Variants in RABGAP1L observed in about 807,000 individuals in gnomAD.
RABGAP1L encodes rab GTPase-activating protein 1-like.
Under a neutral mutation model 137.7 loss-of-function variants are expected in RABGAP1L, and 63 were observed. The observed-to-expected ratio is 0.46, with a 90% confidence interval of 0.37 to 0.56. RABGAP1L has a LOEUF of 0.56. RABGAP1L is among the 20% of genes least tolerant of loss of function. The pLI, the probability that RABGAP1L is intolerant of heterozygous loss-of-function variation, is 0.00. For missense variants in RABGAP1L, 1,095 were observed against 1,244.0 expected (o/e 0.88, Z 1.80); for synonymous variants, 431 against 433.7 (o/e 0.99, Z 0.08).
chr1:174,889,540 C>T (rs1031965398), intron 19 of RABGAP1L, among the ~76,000 whole-genome samples: 1 of 152,142 alleles, frequency 6.6e-6, no homozygotes, highest in Non-Finnish European at 1.5e-5. Context: ...CCTGCTTCAA[C>T]CTCTCAAGTA....
Position 174,174,640 on chromosome 1 carries a change from GC to G in RABGAP1L, c.-34+14984del, listed in dbSNP as rs1300033938. Among the ~76,000 whole-genome samples the G allele has an allele frequency of 1.2e-4, 19 of 152,314 alleles. No individual in the cohort carries two copies. In the South Asian group the frequency reaches 2.9e-3, roughly 23 times the overall value. ...TTTGCAAAATAACTCTCAATTCGAG[GC>G]TGAAGGCTGAAAAACTAGGGGGCTG... On this transcript the variant is annotated intron_variant, in intron 1 of 25. Coordinates refer to ENST00000681986, the MANE Select transcript of RABGAP1L (RefSeq NM_001366446.1).
At chr1:174,623,982 C>G (rs1672746206) in intron 13 of RABGAP1L, among the ~76,000 whole-genome samples, 1 of 152,220 alleles carries the variant, frequency 6.6e-6, no homozygotes, top group South Asian at 2.1e-4. Context: ...CTTAACAAAA[C>G]TGAGACTTCA....
chr1:174,759,095 T>C (rs908296901), intron 18 of RABGAP1L, among the ~76,000 whole-genome samples: 2 of 151,988 alleles, frequency 1.3e-5, no homozygotes, highest in South Asian at 2.1e-4. Context: ...ATAATAAATA[T>C]TGGATACCTA....
At chr1:174,383,398 G>A (rs1231313872) in intron 12 of RABGAP1L, among the ~76,000 whole-genome samples, 10 of 151,674 alleles carry the variant, frequency 6.6e-5, no homozygotes, top group South Asian at 2.1e-4. Flanking sequence ...CCTCACTGCC[G>A]CCTTGCAGTT....
At chr1:174,966,207 G>GTAA (rs1266820805) in intron 20 of RABGAP1L, among the ~76,000 whole-genome samples, 1 of 152,182 alleles carries the variant, frequency 6.6e-6, no homozygotes, top group Admixed American at 6.5e-5. Context: ...CCAAATGAAT[G>GTAA]TAATGTACAT....
chr1:174,210,298 A>G lies in RABGAP1L; in HGVS notation c.-33-8827A>G, dbSNP rs962292439. Among the ~76,000 whole-genome samples the G allele has an allele frequency of 3.3e-5, 5 of 152,338 alleles. No individual in the cohort carries two copies. In the South Asian group the frequency reaches 1.0e-3, roughly 32 times the overall value. On this transcript the variant is annotated intron_variant, in intron 1 of 25. Coordinates refer to ENST00000681986, the MANE Select transcript of RABGAP1L (RefSeq NM_001366446.1). ...AATTCTGGAGAAAGCGAGACAGAAAATTCAAAATAGCTGTTTTGAGGCAGT... is the reference window on the plus strand; with the variant it reads ...AATTCTGGAGAAAGCGAGACAGAAAGTTCAAAATAGCTGTTTTGAGGCAGT...
chr1:174,525,496 T>G (rs1663796177), intron 13 of RABGAP1L, among the ~76,000 whole-genome samples: 1 of 152,180 alleles, frequency 6.6e-6, no homozygotes, highest in South Asian at 2.1e-4. Context: ...TTTTGTATTC[T>G]GCAACTTTAC....
chr1:174,418,903 T>C (rs1193142471), intron 13 of RABGAP1L, among the ~76,000 whole-genome samples: 1 of 152,086 alleles, frequency 6.6e-6, no homozygotes, highest in East Asian at 1.9e-4. Context: ...CCAGGTGTGG[T>C]AGTGTGCACC....
chr1:174,169,648 CTGAG>C (rs1337973053), intron 1 of RABGAP1L, among the ~76,000 whole-genome samples: 1 of 152,112 alleles, frequency 6.6e-6, no homozygotes, highest in Non-Finnish European at 1.5e-5. Context: ...TTATGTTCCA[CTGAG>C]TATTTACTTT....
intron 3 of RABGAP1L, among the ~76,000 whole-genome samples, chr1:174,223,489 C>T (rs1669933330): frequency 6.8e-6 from 1 of 147,254 alleles, no homozygotes; most frequent in Non-Finnish European, 1.5e-5. Context: ...GGAAGGTTAG[C>T]ACCAACAGTA....
rs189692018 is a variant in RABGAP1L, at chr1:174,181,162, C to T, written c.-34+21505C>T. Among the ~76,000 whole-genome samples the T allele has an allele frequency of 2.8e-3, 425 of 152,074 alleles. 4 individuals carry two copies. Among genetic ancestry groups the T allele is most frequent in the African/African-American group, 9.7e-3 (402 of 41,510 alleles). ...TATAGGTTATATGCCAGTACTAAGC[C>T]ATATTATTTTATTTTGATTTTTTTA... On this transcript the variant is annotated intron_variant, in intron 1 of 25. Transcript: ENST00000681986.
At chr1:174,220,094 A>T (rs1669639088) in intron 2 of RABGAP1L, among the ~76,000 whole-genome samples, 1 of 152,102 alleles carries the variant, frequency 6.6e-6, no homozygotes, top group Non-Finnish European at 1.5e-5. Flanking sequence ...TTTTAGCATT[A>T]TTGTGTTTAA....
chr1:174,706,133 T>C (rs1026981310), intron 17 of RABGAP1L, among the ~76,000 whole-genome samples: 1 of 152,204 alleles, frequency 6.6e-6, no homozygotes, highest in Admixed American at 6.5e-5. Flanking sequence ...TTTCCTAAGC[T>C]ATATTATTTT....
intron 13 of RABGAP1L, among the ~76,000 whole-genome samples, chr1:174,520,029 C>T (rs1186839304): frequency 6.6e-6 from 1 of 152,172 alleles, no homozygotes; most frequent in African/African-American, 2.4e-5. Context: ...CTGGCACCAG[C>T]GAAGTATGAA....
intron 1 of RABGAP1L, among the ~76,000 whole-genome samples, chr1:174,182,300 T>C (rs1342626417): frequency 2.0e-5 from 3 of 152,186 alleles, no homozygotes; most frequent in African/African-American, 7.2e-5. Context: ...TTACCAGAAT[T>C]AGTGGAATTT....
chr1:174,235,260 T>C (rs1259932537), intron 4 of RABGAP1L, among the ~76,000 whole-genome samples: 2 of 144,768 alleles, frequency 1.4e-5, no homozygotes, highest in African/African-American at 5.2e-5. Flanking sequence ...ACCCTTTATT[T>C]CCTTCTCCTG....
At chr1:174,643,826 A>G (rs929242609) in intron 14 of RABGAP1L, among the ~76,000 whole-genome samples, 2 of 151,982 alleles carry the variant, frequency 1.3e-5, no homozygotes, top group Non-Finnish European at 2.9e-5. Flanking sequence ...AAGAACAATT[A>G]TGTTTATATC....
intron 14 of RABGAP1L, among the ~76,000 whole-genome samples, chr1:174,646,343 A>T (rs898585904): frequency 2.0e-5 from 3 of 152,074 alleles, no homozygotes; most frequent in Admixed American, 1.3e-4. Flanking sequence ...TTATGGTTTT[A>T]GGTCTTATGT....
chr1:174,622,825 G>C (rs1672634540), intron 13 of RABGAP1L, among the ~76,000 whole-genome samples: 4 of 152,260 alleles, frequency 2.6e-5, no homozygotes, highest in South Asian at 4.1e-4. Context: ...TGCACGTTGT[G>C]CACATGTACC....
Sources: gnomAD v4.1 joint callset for allele counts (sites outside exome capture counted in the v4.1 genomes callset) on GRCh38, gnomAD v4.1.1 for gene constraint, MANE v1.5 for transcripts, NCBI Gene and HGNC (gene_info 2026-07-23, HGNC 2026-07-21) for gene names.